Variants in MAP2K5 observed in about 807,000 individuals in gnomAD.
MAP2K5 encodes dual specificity mitogen-activated protein kinase kinase 5.
Under a neutral mutation model 83.1 loss-of-function variants are expected in MAP2K5, and 49 were observed. The ratio of observed to expected loss-of-function variants is 0.59; its 90% CI spans 0.47 to 0.75. The LOEUF is 0.75. Ranked by LOEUF, MAP2K5 falls within the 30% of genes least tolerant of loss-of-function variation. The pLI is 0.00. For missense variants in MAP2K5, 457 were observed against 557.5 expected (o/e 0.82, Z 1.82); for synonymous variants, 202 against 191.8 (o/e 1.05, Z -0.44).
chr15:67,600,709 C>T lies in MAP2K5; in HGVS notation c.505C>T (p.Arg169Trp), dbSNP rs763537687. 23 of 1,609,116 alleles carry T rather than the reference C, an allele frequency of 1.4e-5. No individual in the cohort carries two copies. The highest frequency in any genetic ancestry group is 3.3e-4 in the Middle Eastern group (2 of 6,062). ...GATGAATGAACAAGACATACGATAT[C>T]GGGACACTCTTGGTCATGGCAACGG... ...GQMNEQDIRY[R>W]DTLGHGNGGT... Residue 169 changes from arginine to tryptophan, a missense_variant, in exon 8 of 22, where the codon CGG becomes TGG. Transcript: ENST00000178640.
At position 67,555,822 on chromosome 15, in the gene MAP2K5, C is replaced by T. The variant is rs967786605; in HGVS notation, c.184+5740C>T. 6.7e-6 allele frequency among the ~76,000 whole-genome samples: 1 copy of T among 150,200 alleles called. No individual in the cohort carries two copies. The highest frequency in any genetic ancestry group is 2.1e-4 in the South Asian group (1 of 4,806). On this transcript the variant is annotated intron_variant, in intron 2 of 21. Transcript: ENST00000178640. The surrounding 1 kb of genome is among the most constrained non-coding windows in gnomAD (Gnocchi z 5.2). The stretch of plus-strand genomic sequence containing the variant: ...TTTTTGAGACGCAGTCTCACTCTGT[C>T]GCCCAGGCTGGAGTGCAGTGGTGTG...
chr15:67,791,347 A>G (rs1033290756), intron 21 of MAP2K5, among the ~76,000 whole-genome samples: 1 of 152,178 alleles, frequency 6.6e-6, no homozygotes, highest in African/African-American at 2.4e-5. Context: ...TTTGTTATGC[A>G]GGGGCTTGTT....
At chr15:67,586,194 G>A (rs551705124) in intron 5 of MAP2K5, among the ~76,000 whole-genome samples, 1 of 152,116 alleles carries the variant, frequency 6.6e-6, no homozygotes, top group Non-Finnish European at 1.5e-5. Flanking sequence ...CCTAGGTGCT[G>A]GTATCTACAA....
chr15:67,691,471 G>A (rs1254521692), intron 13 of MAP2K5, among the ~76,000 whole-genome samples: 1 of 152,168 alleles, frequency 6.6e-6, no homozygotes, highest in Non-Finnish European at 1.5e-5. Flanking sequence ...CGGATGGAAG[G>A]TCAGGAGAAG....
chr15:67,648,862 AG>A (rs1203537895), intron 11 of MAP2K5, among the ~76,000 whole-genome samples: 1 of 152,172 alleles, frequency 6.6e-6, no homozygotes, highest in Non-Finnish European at 1.5e-5. Context: ...TACAGGTGTG[AG>A]CCACTGCACC....
intron 8 of MAP2K5, among the ~76,000 whole-genome samples, chr15:67,624,555 A>G (rs1286337869): frequency 6.6e-6 from 1 of 151,540 alleles, no homozygotes; most frequent in African/African-American, 2.4e-5. Context: ...CCTGCCCTAG[A>G]ATACAGGTAA....
In MAP2K5 at chr15:67,708,362, G is replaced by C. The variant is rs926668200; in HGVS notation, c.1044+4954G>C. ...TCAGATAGAGACAAAATGGGCATGA[G>C]AGTTTTCTGTCTCCTTTACATCTCC... On this transcript the variant is annotated intron_variant, in intron 16 of 21. Transcript: ENST00000178640. This position sits in a 1 kb window ranked among gnomAD's most constrained non-coding sequence, Gnocchi z 4.9. Among the ~76,000 whole-genome samples the C allele has an allele frequency of 1.3e-5, 2 of 151,986 alleles. No homozygotes were observed. Among genetic ancestry groups the C allele is most frequent in the Non-Finnish European group, 2.9e-5 (2 of 68,000 alleles).
rs1377021039 is a variant in MAP2K5 at position 67,781,396 on chromosome 15, G to A, written c.1242+8644G>A. ...GTTTTGAGAGAGACCTTTGGGGATT[G>A]TGAGTCTTGTGGTTTCGGATACAGA... On this transcript the variant is annotated intron_variant, in intron 21 of 21. Transcript: ENST00000178640. The surrounding 1 kb of genome is among the most constrained non-coding windows in gnomAD (Gnocchi z 4.0). 3.9e-5 allele frequency among the ~76,000 whole-genome samples: 6 copies of A among 152,180 alleles called. No individual in the cohort carries two copies. Among genetic ancestry groups the A allele is most frequent in the African/African-American group, 1.4e-4 (6 of 41,454 alleles).
At chr15:67,657,817 A>G (rs72749392) in intron 11 of MAP2K5, among the ~76,000 whole-genome samples, 17 of 152,198 alleles carry the variant, frequency 1.1e-4, no homozygotes, top group Non-Finnish European at 2.1e-4. Flanking sequence ...ACAGATAAAA[A>G]TATTTTCTCT....
rs1343972493 is a variant in MAP2K5 at position 67,782,729 on chromosome 15, G to C, written c.1242+9977G>C. Reference sequence around the variant, plus strand: ...TTTTTAAGCCACAGCTTTGCCTCTGGAATACTCTCGCTCTAACTCTGGGGA... The same window carrying C: ...TTTTTAAGCCACAGCTTTGCCTCTGCAATACTCTCGCTCTAACTCTGGGGA... On this transcript the variant is annotated intron_variant, in intron 21 of 21. Coordinates refer to ENST00000178640, the MANE Select transcript of MAP2K5 (RefSeq NM_145160.3). This position sits in a 1 kb window ranked among gnomAD's most constrained non-coding sequence, Gnocchi z 4.9. Among the ~76,000 whole-genome samples, 1 of 152,182 alleles carries C rather than the reference G, an allele frequency of 6.6e-6. No individual in the cohort carries two copies. The highest frequency in any genetic ancestry group is 2.4e-5 in the African/African-American group (1 of 41,446).
At chr15:67,673,681 C>T (rs2087604997) in intron 13 of MAP2K5, among the ~76,000 whole-genome samples, 1 of 152,064 alleles carries the variant, frequency 6.6e-6, no homozygotes, top group African/African-American at 2.4e-5. Flanking sequence ...CAATAGAAAA[C>T]TAACCTGATT....
At chr15:67,741,822 C>T (rs929785627) in intron 17 of MAP2K5, among the ~76,000 whole-genome samples, 1 of 152,150 alleles carries the variant, frequency 6.6e-6, no homozygotes, top group African/African-American at 2.4e-5. Flanking sequence ...TGTCATTAAA[C>T]TTATATGCCA....
chr15:67,646,309 T>C lies in MAP2K5; in HGVS notation c.654+10T>C, dbSNP rs1395045109. 1.4e-6 allele frequency: 2 copies of C among 1,441,220 alleles called. No homozygotes were observed. The highest frequency in any genetic ancestry group is 2.3e-5 in the East Asian group (1 of 43,258). The allele number at this position is 1,441,220 out of a possible 1,614,324, so 89.3% of individuals were successfully genotyped here. On this transcript the variant is annotated intron_variant, in intron 10 of 21. Transcript: ENST00000178640. ...GGAAATTCTTTATAAGGTAATTTTTTCATAATTTTTATTTGTAAAGCATGC... is the reference window on the plus strand; with the variant it reads ...GGAAATTCTTTATAAGGTAATTTTTCCATAATTTTTATTTGTAAAGCATGC...
rs566333001 is a variant in MAP2K5, at chr15:67,636,407, CA to C, written c.585+5495del. Among the ~76,000 whole-genome samples the C allele has an allele frequency of 0.031, 3,413 of 109,302 alleles. 62 individuals carry two copies. The highest frequency in any genetic ancestry group is 0.058 in the South Asian group (210 of 3,622). 71.7% of individuals were successfully genotyped at this position (109,302 alleles called of 152,430 possible). On this transcript the variant is annotated intron_variant, in intron 9 of 21. Transcript: ENST00000178640. The surrounding 1 kb of genome is among the most constrained non-coding windows in gnomAD (Gnocchi z 4.7). ...TGGGCAACAGAATAAGACTCCGTCT[CA>C]AAAAAAAAAAAAAAGTATGAAATAT...
chr15:67,628,324 A>G (rs757701600), intron 8 of MAP2K5: 4 of 505,968 alleles, frequency 7.9e-6, no homozygotes, highest in Non-Finnish European at 1.4e-5. Flanking sequence ...TACTAAAAAT[A>G]CAAAAATTAG....
chr15:67,803,498 C>T (rs1038523027), intron 21 of MAP2K5, among the ~76,000 whole-genome samples: 11 of 152,226 alleles, frequency 7.2e-5, no homozygotes, highest in African/African-American at 2.7e-4. Flanking sequence ...AGAGCCACAC[C>T]TGCCAGGGTC....
At chr15:67,631,897 G>A (rs1227509881) in intron 9 of MAP2K5, among the ~76,000 whole-genome samples, 1 of 152,022 alleles carries the variant, frequency 6.6e-6, no homozygotes, top group Non-Finnish European at 1.5e-5. Flanking sequence ...TAACAAACTG[G>A]TCAGGCTTGC....
At position 67,714,520 on chromosome 15, in the gene MAP2K5, C is replaced by T. The variant is rs532716847; in HGVS notation, c.1044+11112C>T. ...TGTGGCTTTGTTTGCTTTTCTAGCC[C>T]TTGGTGATTGTGAACTGGTCCGAGG... On this transcript the variant is annotated intron_variant, in intron 16 of 21. Transcript: ENST00000178640. Among the ~76,000 whole-genome samples the T allele has an allele frequency of 4.8e-5, 7 of 147,078 alleles. No individual in the cohort carries two copies. In the East Asian group the frequency reaches 1.4e-3, roughly 30 times the overall value.
At chr15:67,726,965 A>G (rs2089109567) in intron 16 of MAP2K5, among the ~76,000 whole-genome samples, 1 of 152,138 alleles carries the variant, frequency 6.6e-6, no homozygotes, top group Non-Finnish European at 1.5e-5. Flanking sequence ...TTGGGAGGCC[A>G]AGCCAGGCAG....
Sources: allele counts gnomAD v4.1 joint callset (sites outside exome capture counted in the v4.1 genomes callset), GRCh38; gene constraint gnomAD v4.1.1; non-coding constraint Gnocchi (gnomAD v3.1); transcripts MANE v1.5; gene names NCBI Gene and HGNC (gene_info 2026-07-23, HGNC 2026-07-21).